The following COL6A5 variants were observed in gnomAD, a reference collection of about 807,000 sequenced individuals.
The protein encoded by COL6A5 is collagen alpha-5(VI) chain.
In COL6A5, 48 loss-of-function variants were observed where a neutral mutation model predicts 65.6. The observed-to-expected ratio is 0.73, with a 90% CI of 0.58 to 0.93. COL6A5 has a LOEUF of 0.93. Ranked by LOEUF, COL6A5 falls within the 40% of genes least tolerant of loss-of-function variation. The pLI is 0.00. For synonymous variants in COL6A5, 291 were observed against 322.8 expected, an observed-to-expected ratio of 0.90 and a Z score of 1.05; for missense variants, 914 against 928.3, an observed-to-expected ratio of 0.98 and a Z score of 0.20.
intron 3 of COL6A5, among the ~76,000 whole-genome samples, chr3:130,377,726 G>A (rs9841662): frequency 0.16 from 24,924 of 152,126 alleles, 2,606 homozygotes; most frequent in East Asian, 0.33. Context: ...AACCCTGAGC[G>A]TCAGTTTCCT....
chr3:130,442,222 C>G (rs1291206865), intron 3 of COL6A5, among the ~76,000 whole-genome samples: 1 of 152,036 alleles, frequency 6.6e-6, no homozygotes, highest in Non-Finnish European at 1.5e-5. Context: ...TGAAAGAGTT[C>G]TTTTGGATGT....
rs150073069 is a variant in COL6A5, at chr3:130,456,504, G to T, written c.1544+838G>T. 6.5e-3 allele frequency among the ~76,000 whole-genome samples: 989 copies of T among 152,132 alleles called. 8 individuals are homozygous for T. The highest frequency in any genetic ancestry group is 0.011 in the South Asian group (54 of 4,818). ...TAAATGATGATTCTCATCATTCCATGATAAGAATGAGGTACCCCGTTCTCC... is the reference window on the plus strand; with the variant it reads ...TAAATGATGATTCTCATCATTCCATTATAAGAATGAGGTACCCCGTTCTCC... On this transcript the variant is annotated intron_variant, in intron 5 of 7. Coordinates refer to ENST00000512836, the Ensembl canonical transcript of COL6A5.
chr3:130,429,542 T>C, upstream of COL6A5: 1 of 1,540,290 alleles, frequency 6.5e-7, no homozygotes. Flanking sequence ...TTCAAGAAGG[T>C]AACAAACTTT....
At chr3:130,425,678 T>TA (rs1233267236) in intron 29 of COL6A5, among the ~76,000 whole-genome samples, 5 of 152,204 alleles carry the variant, frequency 3.3e-5, no homozygotes, top group African/African-American at 1.2e-4. Context: ...ATGATTTAGT[T>TA]ACACTTCTGT....
In COL6A5 at chr3:130,438,744, G is replaced by A. The variant is rs187018308; in HGVS notation, c.488-778G>A. ...GAGAGATAGCCTCCTCACCACCTGG[G>A]AATGATAGATTTCTTTCATAATAAA... On this transcript the variant is annotated intron_variant, in intron 1 of 7. Coordinates refer to ENST00000512836, the Ensembl canonical transcript of COL6A5. 1.8e-4 allele frequency among the ~76,000 whole-genome samples: 27 copies of A among 152,250 alleles called. No individual in the cohort carries two copies. The East Asian group carries it at 4.1e-3, about 23-fold the overall frequency.
chr3:130,405,981 C>A lies in COL6A5; in HGVS notation c.4354-12C>A. 2 of 1,550,976 alleles carry A rather than the reference C, an allele frequency of 1.3e-6. No homozygotes were observed. Among genetic ancestry groups the A allele is most frequent in the Non-Finnish European group, 1.7e-6 (2 of 1,146,388 alleles). Reference sequence around the variant, plus strand: ...TTTGATTTGTCAGTGAGAGATATTTCATCTTTTGCAGGGACTCAAAGGATT... The same window carrying A: ...TTTGATTTGTCAGTGAGAGATATTTAATCTTTTGCAGGGACTCAAAGGATT... On this transcript the variant is annotated splice_polypyrimidine_tract_variant and intron_variant and NMD_transcript_variant, in intron 14 of 41. Transcript: ENST00000312481.
At chr3:130,380,274 C>A (rs532480928) in intron 4 of COL6A5, among the ~76,000 whole-genome samples, 13 of 152,114 alleles carry the variant, frequency 8.5e-5, no homozygotes, top group African/African-American at 2.6e-4. Flanking sequence ...ATAAATCACA[C>A]CTCAATAAAA....
exon 20 of COL6A5, chr3:130,410,495 C>G: frequency 6.4e-7 from 1 of 1,550,842 alleles, no homozygotes; most frequent in Non-Finnish European, 8.7e-7. Context: ...GAAAGGGGTG[C>G]AAGGCAGTCC....
chr3:130,454,423 T>C (rs1184745008), intron 4 of COL6A5, among the ~76,000 whole-genome samples: 2 of 152,186 alleles, frequency 1.3e-5, no homozygotes, highest in African/African-American at 2.4e-5. Flanking sequence ...GATTTTCTCT[T>C]GGTGTGAATG....
chr3:130,427,743 G>A (rs1937635042), upstream of COL6A5, among the ~76,000 whole-genome samples: 1 of 152,050 alleles, frequency 6.6e-6, no homozygotes, highest in Non-Finnish European at 1.5e-5. Context: ...AGAATCTCAA[G>A]GAGTTTCTGT....
At chr3:130,376,572 C>T in exon 3 of COL6A5, 1 of 1,605,412 alleles carries the variant, frequency 6.2e-7, no homozygotes, top group South Asian at 1.1e-5. Flanking sequence ...GAAACAGTTT[C>T]CCCCAATTTT....
At chr3:130,429,669 C>G (rs186225064), upstream of COL6A5, 1 of 1,142,898 alleles carries the variant, frequency 8.7e-7, no homozygotes, top group South Asian at 1.6e-5. Flanking sequence ...CCCTCAACTC[C>G]GTGGGAAACA....
chr3:130,348,354 A>G (rs1473113251), intron 1 of COL6A5, among the ~76,000 whole-genome samples: 3 of 152,062 alleles, frequency 2.0e-5, no homozygotes, highest in East Asian at 1.9e-4. Context: ...ACTCCCACTT[A>G]TGAGTGACAA....
chr3:130,403,635 A>G, exon 13 of COL6A5: 1 of 1,551,344 alleles, frequency 6.4e-7, no homozygotes, highest in South Asian at 1.2e-5. Flanking sequence ...AAGGCAGCAG[A>G]GGACACAGGG....
intron 7 of COL6A5, among the ~76,000 whole-genome samples, chr3:130,475,835 T>A (rs188823568): frequency 4.6e-5 from 7 of 152,226 alleles, no homozygotes; most frequent in African/African-American, 1.7e-4. Context: ...TTCATACCCA[T>A]TATCTCATTG....
rs373949382 is a variant in COL6A5 at position 130,426,260 on chromosome 3, C to T, written c.5199+11C>T. On this transcript the variant is annotated intron_variant and NMD_transcript_variant, in intron 30 of 41. Transcript: ENST00000312481. ...CAGCCTGTATATTCTGTATGTATCT[C>T]CTTATTCATGAAAGAAAACTCAATA... 3.7e-4 allele frequency: 568 copies of T among 1,551,174 alleles called. 1 individual carries two copies. Among genetic ancestry groups the T allele is most frequent in the Middle Eastern group, 5.0e-4 (3 of 6,004 alleles).
At chr3:130,478,576 A>G (rs1311342718) in intron 7 of COL6A5, among the ~76,000 whole-genome samples, 1 of 152,064 alleles carries the variant, frequency 6.6e-6, no homozygotes, top group Non-Finnish European at 1.5e-5. Context: ...ATCCCCTTTT[A>G]AAAACATCCC....
At chr3:130,393,073 T>G (rs200736440) in intron 7 of COL6A5, among the ~76,000 whole-genome samples, 1 of 81,058 alleles carries the variant, frequency 1.2e-5, no homozygotes, top group Admixed American at 1.6e-4. Context: ...CAGTGTTTTT[T>G]TTTTGTGTGT....
At chr3:130,414,164 T>C (rs1259200428) in intron 22 of COL6A5, 33 bp downstream of exon 22, 1 of 1,454,308 alleles carries the variant, frequency 6.9e-7, no homozygotes, top group Admixed American at 2.0e-5. Flanking sequence ...TATTGATAAA[T>C]GCTGTAAAGT....
Sources: allele counts gnomAD v4.1 joint callset (sites outside exome capture counted in the v4.1 genomes callset), GRCh38; gene constraint gnomAD v4.1.1; transcripts MANE v1.5; gene names NCBI Gene and HGNC (gene_info 2026-07-23, HGNC 2026-07-21).